The following TJP1 variants were observed in gnomAD, a reference collection of about 807,000 sequenced individuals.
TJP1 encodes tight junction protein 1.
In TJP1, 43 loss-of-function variants were observed where a neutral mutation model predicts 194.2. That is an observed-to-expected ratio of 0.22 (90% CI 0.17 to 0.29). The LOEUF is 0.29. TJP1 is among the 10% of genes least tolerant of loss of function. The probability of loss-of-function intolerance (pLI) is 1.00; values close to 1 mark genes in which losing one functional copy is unlikely to be tolerated. For missense variants in TJP1, 1,971 were observed against 2,185.7 expected, an observed-to-expected ratio of 0.90 and a Z score of 1.96; for synonymous variants, 801 against 779.0, an observed-to-expected ratio of 1.03 and a Z score of -0.47.
intron 16 of TJP1, 135 bp from the exon 17 acceptor site, chr15:29,727,126 T>C: frequency 1.4e-6 from 1 of 708,652 alleles, no homozygotes; most frequent in East Asian, 2.7e-5. Flanking sequence ...GGTGAATCAC[T>C]TGAGGCCAGG....
At chr15:29,703,918 C>T (rs919594424) in intron 27 of TJP1, among the ~76,000 whole-genome samples, 1 of 152,210 alleles carries the variant, frequency 6.6e-6, no homozygotes, top group Non-Finnish European at 1.5e-5. Context: ...GCTGCGATTA[C>T]AGGCATGAGC....
At chr15:29,900,400 C>T (rs2053600159) in intron 2 of TJP1, among the ~76,000 whole-genome samples, 1 of 152,136 alleles carries the variant, frequency 6.6e-6, no homozygotes, top group African/African-American at 2.4e-5. Flanking sequence ...CTGAGGGGTG[C>T]AGTGGGAACA....
At chr15:29,904,811 C>T (rs1280207540) in intron 2 of TJP1, among the ~76,000 whole-genome samples, 2 of 152,164 alleles carry the variant, frequency 1.3e-5, no homozygotes, top group Non-Finnish European at 2.9e-5. Flanking sequence ...AGACCCTAAG[C>T]ACAATGACTG....
intron 2 of TJP1, 54 bp from the exon 3 acceptor site, chr15:29,773,411 T>C (rs1019462994): frequency 5.1e-6 from 8 of 1,565,280 alleles, no homozygotes; most frequent in South Asian, 4.5e-5. Context: ...ATAATTGTTA[T>C]ATCATACTCT....
At chr15:29,938,846 C>G (rs2054970649) in intron 2 of TJP1, among the ~76,000 whole-genome samples, 1 of 152,130 alleles carries the variant, frequency 6.6e-6, no homozygotes, top group Non-Finnish European at 1.5e-5. Flanking sequence ...CACAAGAGAC[C>G]CAAACAGGAC....
Position 29,710,948 on chromosome 15 carries a change from A to T in TJP1, c.4255T>A (p.Tyr1419Asn). The T allele has an allele frequency of 6.2e-7, 1 of 1,614,136 alleles. No homozygotes were observed. Among genetic ancestry groups the T allele is most frequent in the African/African-American group, 1.3e-5 (1 of 75,038 alleles). The stretch of plus-strand genomic sequence containing the variant: ...GGGGGAGTGGCCTGGATGGGTTCAT[A>T]GCGTTTCTCGCCAAATGATCTATCC... Reference protein sequence around the residue: ...GVDRSFGEKRYEPIQATPPPP... With the variant: ...GVDRSFGEKRNEPIQATPPPP... Residue 1419 changes from tyrosine to asparagine, a missense_variant, in exon 24 of 28, where the codon TAT becomes AAT. Coordinates refer to ENST00000614355, the MANE Select transcript of TJP1 (RefSeq NM_001330239.4).
At chr15:29,958,404 A>T (rs2056028901) in intron 1 of TJP1, among the ~76,000 whole-genome samples, 1 of 151,780 alleles carries the variant, frequency 6.6e-6, no homozygotes. Flanking sequence ...AACTTAATCC[A>T]TTCAAATTTA....
chr15:29,795,257 C>G (rs973362095), intron 2 of TJP1, among the ~76,000 whole-genome samples: 1 of 151,906 alleles, frequency 6.6e-6, no homozygotes, highest in African/African-American at 2.4e-5. Context: ...AACACCGGCT[C>G]TACTAAAAAC....
intron 2 of TJP1, among the ~76,000 whole-genome samples, chr15:29,864,108 A>G (rs2052202739): frequency 6.6e-6 from 1 of 151,902 alleles, no homozygotes; most frequent in South Asian, 2.1e-4. Context: ...AAAAAGTTGT[A>G]CCCGGCCGGG....
intron 3 of TJP1, 58 bp downstream of exon 3, chr15:29,773,175 T>C: frequency 6.2e-7 from 1 of 1,601,168 alleles, no homozygotes; most frequent in Non-Finnish European, 8.5e-7. Context: ...AGTACGCCAG[T>C]GCCTGAGGAG....
At position 29,730,502 on chromosome 15, in the gene TJP1, T is replaced by A. The variant is rs1389623169; in HGVS notation, c.2017+1931A>T. ...GTCCTAGCTGCTTGGAAGGCCGAGG[T>A]GTGTGGACTGCTTGAACCCATGAGT... On this transcript the variant is annotated intron_variant, in intron 15 of 27. Transcript: ENST00000614355. 4.0e-5 allele frequency among the ~76,000 whole-genome samples: 6 copies of A among 148,446 alleles called. No homozygotes were observed. The East Asian group carries it at 1.2e-3, about 29-fold the overall frequency.
At chr15:29,737,517 A>G in intron 10 of TJP1, 103 bp from the exon 11 acceptor site, 1 of 1,341,030 alleles carries the variant, frequency 7.5e-7, no homozygotes, top group Non-Finnish European at 1.0e-6. Context: ...AAGAACCATC[A>G]TTTCTAAAAC....
chr15:29,816,888 A>C (rs2049962741), intron 1 of TJP1, among the ~76,000 whole-genome samples: 1 of 152,236 alleles, frequency 6.6e-6, no homozygotes, highest in African/African-American at 2.4e-5. Context: ...ACCATTCAGG[A>C]CATAGGCATG....
At chr15:29,912,970 C>T (rs1026833536) in intron 2 of TJP1, among the ~76,000 whole-genome samples, 4 of 152,080 alleles carry the variant, frequency 2.6e-5, no homozygotes, top group African/African-American at 7.2e-5. Context: ...GAAGCAGAGA[C>T]GAGCAGAGAT....
intron 2 of TJP1, among the ~76,000 whole-genome samples, chr15:29,938,882 G>A (rs1019467405): frequency 1.3e-5 from 2 of 152,170 alleles, no homozygotes; most frequent in Non-Finnish European, 2.9e-5. Context: ...AACTGCACAC[G>A]CTAGAAAGCC....
At chr15:29,903,659 T>G (rs571289189) in intron 2 of TJP1, among the ~76,000 whole-genome samples, 1 of 152,258 alleles carries the variant, frequency 6.6e-6, no homozygotes, top group East Asian at 1.9e-4. Flanking sequence ...TTAGCCAGGA[T>G]GGTCTCAATC....
chr15:29,822,085 G>C lies in TJP1; in HGVS notation c.-57C>G. ...TCGGACCCGAAACTCCGCGGCGCTG[G>C]CCCGCCCGCTCCTCACGCCACAGCC... is the stretch of plus-strand genomic sequence containing the variant. On this transcript the variant is annotated 5_prime_UTR_variant, in exon 1 of 28. Coordinates refer to ENST00000614355, the MANE Select transcript of TJP1 (RefSeq NM_001330239.4). 8.1e-7 allele frequency: 1 copy of C among 1,241,926 alleles called. No homozygotes were observed. Among genetic ancestry groups the C allele is most frequent in the Non-Finnish European group, 1.0e-6 (1 of 992,422 alleles). The allele number at this position is 1,241,926 out of a possible 1,614,324, so 76.9% of individuals were successfully genotyped here. A position where few individuals can be genotyped will look rare whatever the true frequency, so the allele number is the denominator to read the frequency against.
At position 29,701,569 on chromosome 15, in the gene TJP1, T is replaced by A. The variant is rs1298218073; in HGVS notation, c.*26A>T. ...AGATTAAGTTTAATCCAGTTTCACA[T>A]TATTTAAGTTCCTATATTTCAAGAG... On this transcript the variant is annotated 3_prime_UTR_variant, in exon 28 of 28. Coordinates refer to ENST00000614355, the MANE Select transcript of TJP1 (RefSeq NM_001330239.4). The A allele has an allele frequency of 6.4e-7, 1 of 1,562,020 alleles. No individual in the cohort carries two copies. Among genetic ancestry groups the A allele is most frequent in the Non-Finnish European group, 8.8e-7 (1 of 1,133,174 alleles).
At chr15:29,797,663 T>C (rs1350181965) in intron 2 of TJP1, among the ~76,000 whole-genome samples, 2 of 149,120 alleles carry the variant, frequency 1.3e-5, no homozygotes, top group Non-Finnish European at 3.0e-5. Flanking sequence ...AGGCAATCCA[T>C]GGAAAGGAAA....
Sources: gnomAD v4.1 joint callset for allele counts (sites outside exome capture counted in the v4.1 genomes callset) on GRCh38, gnomAD v4.1.1 for gene constraint, MANE v1.5 for transcripts, NCBI Gene and HGNC (gene_info 2026-07-23, HGNC 2026-07-21) for gene names.